Variants in NALF1 observed in about 807,000 individuals in gnomAD.
The protein encoded by NALF1 is family with sequence similarity 155 member A.
Under a neutral mutation model 48.4 loss-of-function variants are expected in NALF1, and 3 were observed. The observed-to-expected ratio is 0.06, with a 90% CI of 0.03 to 0.16. The LOEUF (loss-of-function observed/expected upper bound fraction) is 0.16. NALF1 is among the 10% of genes least tolerant of loss of function. NALF1 has a pLI of 1.00. For missense variants in NALF1, 526 were observed against 571.5 expected (o/e 0.92, Z 0.81); for synonymous variants, 262 against 245.7 (o/e 1.07, Z -0.62).
chr13:107,612,883 T>C (rs1163269265), intron 1 of NALF1, among the ~76,000 whole-genome samples: 2 of 152,048 alleles, frequency 1.3e-5, no homozygotes, highest in African/African-American at 4.8e-5. Context: ...TTTGTCTATC[T>C]AACTATCAAA....
At chr13:107,365,353 C>T (rs1883135355) in intron 1 of NALF1, among the ~76,000 whole-genome samples, 2 of 152,036 alleles carry the variant, frequency 1.3e-5, no homozygotes, top group African/African-American at 4.8e-5. Flanking sequence ...ACCTGAATTT[C>T]TCTCCGAAGT....
chr13:107,508,044 T>C (rs1297947769), intron 1 of NALF1, among the ~76,000 whole-genome samples: 1 of 152,170 alleles, frequency 6.6e-6, no homozygotes, highest in Non-Finnish European at 1.5e-5. Flanking sequence ...TGTTCTGTCC[T>C]ATACAAAAAC....
intron 1 of NALF1, among the ~76,000 whole-genome samples, chr13:107,793,798 A>T (rs1260847109): frequency 6.6e-6 from 1 of 152,164 alleles, no homozygotes; most frequent in South Asian, 2.1e-4. Flanking sequence ...ACCCACTTCA[A>T]CTTAACTACT....
At chr13:107,266,058 A>T (rs927850503) in intron 1 of NALF1, among the ~76,000 whole-genome samples, 5 of 152,228 alleles carry the variant, frequency 3.3e-5, no homozygotes, top group Non-Finnish European at 5.9e-5. Flanking sequence ...AAGAAGACAT[A>T]AAGGTTAAAT....
chr13:107,376,985 G>T (rs1433382977), intron 1 of NALF1, among the ~76,000 whole-genome samples: 1 of 152,072 alleles, frequency 6.6e-6, no homozygotes, highest in Non-Finnish European at 1.5e-5. Context: ...TTCTCTGGCC[G>T]CATTTAATGC....
chr13:107,344,449 C>A (rs1054599461), intron 1 of NALF1, among the ~76,000 whole-genome samples: 12 of 152,106 alleles, frequency 7.9e-5, no homozygotes, highest in Non-Finnish European at 1.5e-4. Flanking sequence ...AAAACACTAG[C>A]AAATCAATTT....
intron 1 of NALF1, among the ~76,000 whole-genome samples, chr13:107,396,555 GAC>G (rs1456037074): frequency 1.3e-5 from 2 of 152,132 alleles, no homozygotes; most frequent in Admixed American, 1.3e-4. Context: ...TGATTATCAG[GAC>G]AGCCATGACA....
chr13:107,470,533 G>A (rs867644410), intron 1 of NALF1, among the ~76,000 whole-genome samples: 19 of 152,100 alleles, frequency 1.2e-4, no homozygotes, highest in African/African-American at 4.1e-4. Flanking sequence ...TGAGGTCAAC[G>A]TTTCACTTCT....
intron 1 of NALF1, among the ~76,000 whole-genome samples, chr13:107,235,141 C>T (rs1445522759): frequency 2.6e-5 from 4 of 152,174 alleles, no homozygotes; most frequent in African/African-American, 9.7e-5. Context: ...CAACACCATT[C>T]ATCGTTGTAT....
At chr13:107,861,013 T>A (rs1359998180) in intron 1 of NALF1, among the ~76,000 whole-genome samples, 1 of 152,064 alleles carries the variant, frequency 6.6e-6, no homozygotes, top group African/African-American at 2.4e-5. Flanking sequence ...AGTTACAAGT[T>A]CAAACTAAAA....
chr13:107,509,862 G>C (rs1039311253), intron 1 of NALF1, among the ~76,000 whole-genome samples: 4 of 152,198 alleles, frequency 2.6e-5, no homozygotes, highest in African/African-American at 9.6e-5. Flanking sequence ...CTTGAGTGCA[G>C]TGGTGCAATC....
At chr13:107,450,127 A>C (rs1228893932) in intron 1 of NALF1, among the ~76,000 whole-genome samples, 2 of 152,136 alleles carry the variant, frequency 1.3e-5, no homozygotes, top group Non-Finnish European at 2.9e-5. Context: ...GATTCCTTCC[A>C]GTTAGTGCTT....
chr13:107,675,497 T>A (rs1322421469), intron 1 of NALF1, among the ~76,000 whole-genome samples: 1 of 152,256 alleles, frequency 6.6e-6, no homozygotes, highest in Non-Finnish European at 1.5e-5. Flanking sequence ...AACTTCTTTA[T>A]CTCGTTTCTT....
intron 1 of NALF1, among the ~76,000 whole-genome samples, chr13:107,380,546 C>T (rs1883416627): frequency 6.6e-6 from 1 of 152,188 alleles, no homozygotes; most frequent in African/African-American, 2.4e-5. Flanking sequence ...CCGGCCCCCA[C>T]ACTCTTTTTC....
intron 1 of NALF1, among the ~76,000 whole-genome samples, chr13:107,763,760 C>T (rs1877338694): frequency 6.6e-6 from 1 of 152,070 alleles, no homozygotes; most frequent in African/African-American, 2.4e-5. Context: ...TTTTGTATCA[C>T]TGAATTAATA....
intron 1 of NALF1, among the ~76,000 whole-genome samples, chr13:107,768,327 C>T (rs948362887): frequency 6.6e-6 from 1 of 152,134 alleles, no homozygotes; most frequent in Non-Finnish European, 1.5e-5. Flanking sequence ...TATTTCAATA[C>T]TGTAATCCTT....
intron 1 of NALF1, among the ~76,000 whole-genome samples, chr13:107,705,511 CAT>C (rs10572837): frequency 0.81 from 121,476 of 150,354 alleles, 49,220 homozygotes; most frequent in Middle Eastern, 0.83. Flanking sequence ...AGATTTTATA[CAT>C]ATATATATAT....
Position 107,170,754 on chromosome 13 carries a change from G to C in NALF1, c.1120C>G (p.Pro374Ala), listed in dbSNP as rs754990034. 6.2e-7 allele frequency: 1 copy of C among 1,614,138 alleles called. No individual in the cohort carries two copies. Among genetic ancestry groups the C allele is most frequent in the Admixed American group, 1.7e-5 (1 of 60,018 alleles). The change falls in exon 3 of 3, where the codon CCA becomes GCA. Residue 374 changes from proline to alanine, a missense_variant. Transcript: ENST00000375915. Reference protein sequence around the residue: ...LYETFLTNDEPECCDVRREEK... With the variant: ...LYETFLTNDEAECCDVRREEK... ...TCTCTCCTGACGTCACAGCATTCTG[G>C]TTCATCATTGGTTAGAAAGGTTTCA...
rs116288321 is a variant in NALF1, at chr13:107,421,352, A to T, written c.916-210597T>A. 4.4e-3 allele frequency among the ~76,000 whole-genome samples: 670 copies of T among 152,318 alleles called. 4 individuals are homozygous for T. The highest frequency in any genetic ancestry group is 0.015 in the African/African-American group (643 of 41,582). On this transcript the variant is annotated intron_variant, in intron 1 of 2. Transcript: ENST00000375915. ...TGCTCTAGTATATCTTACTTGCCAG[A>T]TAATCATAGTTTCATATTTCTTTAC...
Sources: allele counts gnomAD v4.1 joint callset (sites outside exome capture counted in the v4.1 genomes callset), GRCh38; gene constraint gnomAD v4.1.1; transcripts MANE v1.5; gene names NCBI Gene and HGNC (gene_info 2026-07-23, HGNC 2026-07-21).